The following PPP2R3A variants were observed in gnomAD, a reference collection of about 807,000 sequenced individuals.
PPP2R3A encodes the protein serine/threonine-protein phosphatase 2A regulatory subunit B'' subunit alpha.
A neutral mutation model predicts 106.9 loss-of-function variants in PPP2R3A; 80 were observed. The observed-to-expected ratio is 0.75, with a 90% confidence interval of 0.62 to 0.90. The LOEUF (loss-of-function observed/expected upper bound fraction) is 0.90, where lower values mean the gene tolerates loss of function less well. PPP2R3A is among the 40% of genes least tolerant of loss of function. The pLI is 0.00. For synonymous variants in PPP2R3A, 483 were observed against 468.3 expected (o/e 1.03, Z -0.41); for missense variants, 1,386 against 1,350.4 (o/e 1.03, Z -0.41).
chr3:136,060,557 C>A (rs752801581), intron 5 of PPP2R3A, among the ~76,000 whole-genome samples: 2 of 152,138 alleles, frequency 1.3e-5, no homozygotes, highest in African/African-American at 4.8e-5. Context: ...TGTTCTCTGT[C>A]TCTCCCCTGC....
intron 5 of PPP2R3A, among the ~76,000 whole-genome samples, 155 bp downstream of exon 5, chr3:136,049,516 T>G (rs1284331392): frequency 1.4e-5 from 1 of 71,134 alleles, no homozygotes; most frequent in Non-Finnish European, 2.5e-5. Context: ...AGTAAGATCC[T>G]CTCGTTAAAT....
At chr3:136,090,338 T>C (rs1314803119) in intron 9 of PPP2R3A, among the ~76,000 whole-genome samples, 1 of 152,238 alleles carries the variant, frequency 6.6e-6, no homozygotes, top group African/African-American at 2.4e-5. Context: ...ATCCCAGTGA[T>C]TATTTGCATT....
At chr3:136,112,846 T>C (rs116785022) in intron 13 of PPP2R3A, among the ~76,000 whole-genome samples, 1 of 152,198 alleles carries the variant, frequency 6.6e-6, no homozygotes, top group South Asian at 2.1e-4. Context: ...ACAAAATTCA[T>C]ATGAAGCTGG....
chr3:135,974,713 T>G (rs1462320922), intron 1 of PPP2R3A, among the ~76,000 whole-genome samples: 3 of 152,246 alleles, frequency 2.0e-5, no homozygotes, highest in African/African-American at 7.2e-5. Flanking sequence ...GGGAGGGGTA[T>G]CCTCCCACCC....
intron 13 of PPP2R3A, among the ~76,000 whole-genome samples, chr3:136,126,097 G>A (rs546072938): frequency 5.3e-5 from 8 of 152,304 alleles, no homozygotes; most frequent in Middle Eastern, 3.4e-3. Context: ...GGTGATTTCC[G>A]CATTTCCAAC....
At chr3:136,096,322 A>G (rs558755949) in intron 10 of PPP2R3A, among the ~76,000 whole-genome samples, 2 of 152,334 alleles carry the variant, frequency 1.3e-5, no homozygotes, top group African/African-American at 4.8e-5. Flanking sequence ...CATGGGTTGA[A>G]AAAATGAATT....
In PPP2R3A at chr3:135,984,982, C is replaced by T. The variant is rs370787597; in HGVS notation, c.-440-16077C>T. 4.8e-4 allele frequency among the ~76,000 whole-genome samples: 73 copies of T among 152,140 alleles called. 1 individual carries two copies. In the South Asian group the frequency reaches 0.011, roughly 23 times the overall value. ...ATCTCATGAGACCCATTCACTGTCA[C>T]GAGAACAGGACAGGAAAGACCTGCC... On this transcript the variant is annotated intron_variant, in intron 1 of 13. Coordinates refer to ENST00000264977, the MANE Select transcript of PPP2R3A (RefSeq NM_002718.5).
intron 5 of PPP2R3A, among the ~76,000 whole-genome samples, chr3:136,068,591 G>T (rs1361723479): frequency 6.6e-6 from 1 of 152,194 alleles, no homozygotes; most frequent in Non-Finnish European, 1.5e-5. Flanking sequence ...GTTAAGAAAT[G>T]TAGACAGAAT....
At chr3:136,137,877 G>A (rs1056980739) in intron 13 of PPP2R3A, among the ~76,000 whole-genome samples, 4 of 152,092 alleles carry the variant, frequency 2.6e-5, no homozygotes, top group Non-Finnish European at 5.9e-5. Flanking sequence ...ATCAGCACTG[G>A]AAACTAAGGC....
Position 135,979,510 on chromosome 3 carries a change from C to T in PPP2R3A, c.-441+13661C>T, listed in dbSNP as rs1416861095. Among the ~76,000 whole-genome samples, 5 of 151,924 alleles carry T rather than the reference C, an allele frequency of 3.3e-5. 1 individual carries two copies. Among genetic ancestry groups the T allele is most frequent in the East Asian group, 1.9e-4 (1 of 5,188 alleles). ...ATTGGCCAGCCTGGAAAAGACATAC[C>T]GTCATCAGAGTGTGGGAACACGATG... On this transcript the variant is annotated intron_variant, in intron 1 of 13. Coordinates refer to ENST00000264977, the MANE Select transcript of PPP2R3A (RefSeq NM_002718.5).
chr3:135,994,014 A>C (rs1933282856), intron 1 of PPP2R3A, among the ~76,000 whole-genome samples: 1 of 152,164 alleles, frequency 6.6e-6, no homozygotes, highest in Admixed American at 6.5e-5. Context: ...CAGTGGTTAC[A>C]TGGTTCTTGT....
intron 2 of PPP2R3A, among the ~76,000 whole-genome samples, chr3:136,017,296 C>T (rs1020081740): frequency 4.6e-5 from 7 of 152,110 alleles, no homozygotes; most frequent in East Asian, 3.8e-4. Context: ...TGTGCCTAGG[C>T]GATGATCTTT....
chr3:136,068,016 G>A (rs1262992307), intron 5 of PPP2R3A, among the ~76,000 whole-genome samples: 1 of 152,206 alleles, frequency 6.6e-6, no homozygotes, highest in Non-Finnish European at 1.5e-5. Flanking sequence ...CTTGAGCCCA[G>A]GAGTTCGAGA....
intron 13 of PPP2R3A, among the ~76,000 whole-genome samples, chr3:136,128,199 A>G (rs1489098547): frequency 7.9e-5 from 12 of 152,366 alleles, no homozygotes; most frequent in African/African-American, 2.6e-4. Flanking sequence ...AAATGCCCCA[A>G]TTAAAAGACA....
Position 136,000,524 on chromosome 3 carries a change from A to T in PPP2R3A, c.-440-535A>T, listed in dbSNP as rs956513298. 3.3e-5 allele frequency among the ~76,000 whole-genome samples: 5 copies of T among 152,244 alleles called. No individual in the cohort carries two copies. In the East Asian group the frequency reaches 5.8e-4, roughly 18 times the overall value. On this transcript the variant is annotated intron_variant, in intron 1 of 13. Coordinates refer to ENST00000264977, the MANE Select transcript of PPP2R3A (RefSeq NM_002718.5). ...TGTTTTCTTTCAGTAAGCAAAAAGA[A>T]GATGATGGGAGAATAATTTCTAGGA...
At chr3:136,051,574 C>T (rs1190368053) in intron 5 of PPP2R3A, among the ~76,000 whole-genome samples, 1 of 152,230 alleles carries the variant, frequency 6.6e-6, no homozygotes, top group Non-Finnish European at 1.5e-5. Context: ...CGGTGATCCA[C>T]CTGCCTCAGC....
At chr3:135,994,450 T>C (rs987819986) in intron 1 of PPP2R3A, among the ~76,000 whole-genome samples, 2 of 152,192 alleles carry the variant, frequency 1.3e-5, no homozygotes, top group African/African-American at 2.4e-5. Context: ...ACCTAACTAT[T>C]CTCTTACAGA....
intron 5 of PPP2R3A, among the ~76,000 whole-genome samples, chr3:136,052,109 C>A (rs1465253715): frequency 6.6e-6 from 1 of 152,188 alleles, no homozygotes; most frequent in Non-Finnish European, 1.5e-5. Context: ...TTTGTGAAAT[C>A]TCAAATCTTC....
At position 136,002,160 on chromosome 3, in the gene PPP2R3A, A is replaced by G; in HGVS notation, c.662A>G (p.Asp221Gly). 2.5e-6 allele frequency: 4 copies of G among 1,613,496 alleles called. No individual in the cohort carries two copies. The highest frequency in any genetic ancestry group is 3.4e-6 in the Non-Finnish European group (4 of 1,179,856). The change falls in exon 2 of 14, where the codon GAT (aspartate) becomes GGT (glycine). Residue 221 changes from aspartate to glycine, a missense_variant. By Grantham distance (94) the Asp-to-Gly change is moderately conservative (BLOSUM62 -1). Coordinates refer to ENST00000264977, the MANE Select transcript of PPP2R3A (RefSeq NM_002718.5). ...VTQILEKHKI[D>G]NFSSGTDIKM... ...CAGATTTTGGAAAAACATAAAATAG[A>G]TAATTTTTCTTCTGGGACAGACATA... is the stretch of plus-strand genomic sequence containing the variant.
Sources: allele counts gnomAD v4.1 joint callset (sites outside exome capture counted in the v4.1 genomes callset), GRCh38; gene constraint gnomAD v4.1.1; transcripts MANE v1.5; gene names NCBI Gene and HGNC (gene_info 2026-07-23, HGNC 2026-07-21).